ERBB2: variants seen among roughly 807,000 people sequenced by gnomAD.
The protein encoded by ERBB2 is erb-b2 receptor tyrosine kinase 2.
A neutral mutation model predicts 149.0 loss-of-function variants in ERBB2; 61 were observed. The ratio of observed to expected loss-of-function variants is 0.41; its 90% CI spans 0.33 to 0.51. The LOEUF is 0.51. ERBB2 is among the 20% of genes least tolerant of loss of function. ERBB2 has a pLI of 0.25. For synonymous variants in ERBB2, 633 were observed against 678.8 expected, an observed-to-expected ratio of 0.93 and a Z score of 1.05; for missense variants, 1,205 against 1,655.1, an observed-to-expected ratio of 0.73 and a Z score of 4.72.
Position 39,726,738 on chromosome 17 carries a change from A to G in ERBB2, c.2971-77A>G. On this transcript the variant is annotated intron_variant, in intron 24 of 26. Coordinates refer to ENST00000269571, the MANE Select transcript of ERBB2 (RefSeq NM_004448.4). The surrounding 1 kb of genome is among the most constrained non-coding windows in gnomAD (Gnocchi z 5.1). ...GAGGGTGGGAAGGAGAGATGAGTCC[A>G]GTATGCCAGGCCCCTCACGGAAGGC... is the stretch of plus-strand genomic sequence containing the variant. 1 of 1,588,352 alleles carries G rather than the reference A, an allele frequency of 6.3e-7. No individual in the cohort carries two copies. Among genetic ancestry groups the G allele is most frequent in the Non-Finnish European group, 8.6e-7 (1 of 1,156,612 alleles).
At chr17:39,722,601 A>G (rs1366909358) in intron 16 of ERBB2, among the ~76,000 whole-genome samples, 2 of 152,186 alleles carry the variant, frequency 1.3e-5, no homozygotes, top group Non-Finnish European at 2.9e-5. Flanking sequence ...TGGCAGTGTA[A>G]ATGTTCTGAG....
rs1396480147 is a variant in ERBB2 at position 39,714,136 on chromosome 17, CAG to C, written c.1149-1149_1149-1148del. Among the ~76,000 whole-genome samples the C allele has an allele frequency of 7.3e-5, 11 of 151,686 alleles. No individual in the cohort carries two copies. The East Asian group carries it at 2.1e-3, about 29-fold the overall frequency. ...CCTTTCCAGAGGGGGCCATGGTTAA[CAG>C]TGTGTGTGTTCACCTAGACCGTTTA... On this transcript the variant is annotated intron_variant, in intron 9 of 26. Transcript: ENST00000269571.
Position 39,728,290 on chromosome 17 carries a change from G to A in ERBB2, c.*246G>A, listed in dbSNP as rs2059890021. 6 of 441,488 alleles carry A rather than the reference G, an allele frequency of 1.4e-5. No homozygotes were observed. Among genetic ancestry groups the A allele is most frequent in the Non-Finnish European group, 2.0e-5 (5 of 246,530 alleles). The allele number at this position is 441,488 out of a possible 1,614,324, so 27.3% of individuals were successfully genotyped here. On this transcript the variant is annotated 3_prime_UTR_variant, in exon 27 of 27. Transcript: ENST00000269571. ...TGGATTCTGAGGCCCTGCCCAATGA[G>A]ACTCTAGGGTCCAGTGGATGCCACA... is the stretch of plus-strand genomic sequence containing the variant.
At position 39,712,429 on chromosome 17, in the gene ERBB2, C is replaced by T. The variant is rs2058864747; in HGVS notation, c.1129C>T (p.Leu377=). 1 of 1,613,868 alleles carries T rather than the reference C, an allele frequency of 6.2e-7. No homozygotes were observed. Among genetic ancestry groups the T allele is most frequent in the Non-Finnish European group, 8.5e-7 (1 of 1,179,912 alleles). The change falls in exon 9 of 27, where the codon CTG becomes TTG. Residue 377 remains leucine, a synonymous_variant. Transcript: ENST00000269571. The part of the protein sequence containing the change: ...CKKIFGSLAF[L]PESFDGDPAS... The stretch of plus-strand genomic sequence containing the variant: ...GAAGATCTTTGGGAGCCTGGCATTT[C>T]TGCCGGAGAGCTTTGATGGGTAAGA...
chr17:39,708,570 A>T (rs2145449644), intron 3 of ERBB2, 36 bp downstream of exon 3: 2 of 1,554,842 alleles, frequency 1.3e-6, no homozygotes, highest in Non-Finnish European at 1.8e-6. Context: ...TCTCTTGGTT[A>T]TTCAGAGCTG....
chr17:39,708,772 C>A (rs2058615204), intron 3 of ERBB2, among the ~76,000 whole-genome samples: 2 of 152,170 alleles, frequency 1.3e-5, no homozygotes, highest in Non-Finnish European at 2.9e-5. Flanking sequence ...TTTTTGCCCC[C>A]ACTTGGCTGA....
At chr17:39,703,745 C>G (rs1297363939) in intron 1 of ERBB2, among the ~76,000 whole-genome samples, 1 of 152,242 alleles carries the variant, frequency 6.6e-6, no homozygotes, top group Non-Finnish European at 1.5e-5. Flanking sequence ...GACCCTGGGC[C>G]CAGGCCCTGG....
At chr17:39,716,995 G>A in intron 14 of ERBB2, 1 of 440,060 alleles carries the variant, frequency 2.3e-6, no homozygotes, top group Non-Finnish European at 4.1e-6. Flanking sequence ...ATTAAACAGG[G>A]CTTGGCACAG....
rs746595697 is a variant in ERBB2 at position 39,727,541 on chromosome 17, C to T, written c.3406C>T (p.Gln1136Ter). Residue 1136 changes from glutamine (Q) to a stop codon, truncating the protein, a stop_gained, in exon 26 of 27, where the codon CAG (glutamine) becomes TAG (stop). Coordinates refer to ENST00000269571, the MANE Select transcript of ERBB2 (RefSeq NM_004448.4). LOFTEE classifies it high-confidence loss of function. This position sits in a 1 kb window ranked among gnomAD's most constrained non-coding sequence, Gnocchi z 4.3. ...GYVAPLTCSP[Q>*]PEYVNQPDVR... ...CGTTGCCCCCCTGACCTGCAGCCCC[C>T]AGCCTGGTATGGAGTCCAGTCTAAG... 6.2e-7 allele frequency: 1 copy of T among 1,600,480 alleles called. No individual in the cohort carries two copies. The highest frequency in any genetic ancestry group is 1.8e-5 in the Admixed American group (1 of 54,536).
In ERBB2 at chr17:39,710,077, G is replaced by A. The variant is rs373378060; in HGVS notation, c.644-9G>A. The A allele has an allele frequency of 2.4e-5, 38 of 1,601,790 alleles. No homozygotes were observed. The highest frequency in any genetic ancestry group is 1.7e-5 in the Admixed American group (1 of 59,884). ...CCACTCAGCCCTCATCCTGCCCTTT[G>A]CCCAACAGTGACGCGCACTGTCTGT... On this transcript the variant is annotated splice_polypyrimidine_tract_variant and intron_variant, in intron 5 of 26. Coordinates refer to ENST00000269571, the MANE Select transcript of ERBB2 (RefSeq NM_004448.4).
Position 39,715,868 on chromosome 17 carries a change from C to T in ERBB2, c.1442C>T (p.Pro481Leu), listed in dbSNP as rs370565888. Residue 481 changes from proline (P) to leucine (L), a missense_variant, in exon 12 of 27, where the codon CCC becomes CTC. Physicochemically the swap from Pro to Leu is moderately conservative, Grantham distance 98. Transcript: ENST00000269571. ...NTHLCFVHTV[P>L]WDQLFRNPHQ... ...CACCTCTGCTTCGTGCACACGGTGC[C>T]CTGGGACCAGCTCTTTCGGAACCCG... The T allele has an allele frequency of 3.7e-6, 6 of 1,612,696 alleles. No homozygotes were observed. Among genetic ancestry groups the T allele is most frequent in the East Asian group, 2.2e-5 (1 of 44,898 alleles).
At position 39,708,309 on chromosome 17, in the gene ERBB2, TC is replaced by T. The variant is rs1385687225; in HGVS notation, c.226-7del. 6 of 1,608,892 alleles carry T rather than the reference TC, an allele frequency of 3.7e-6. No individual in the cohort carries two copies. Among genetic ancestry groups the T allele is most frequent in the Admixed American group, 3.3e-5 (2 of 59,878 alleles). ...GTTCCTATTTCAGCCCCACTCTGCT[TC>T]CCCCTCCCAGGATATCCAGGAGGTG... On this transcript the variant is annotated splice_polypyrimidine_tract_variant and intron_variant, in intron 2 of 26. Coordinates refer to ENST00000269571, the MANE Select transcript of ERBB2 (RefSeq NM_004448.4).
At position 39,723,575 on chromosome 17, in the gene ERBB2, A is replaced by G. The variant is rs2145813220; in HGVS notation, c.2123A>G (p.Asn708Ser). Residue 708 changes from asparagine to serine, a missense_variant, in exon 18 of 27, where the codon AAC becomes AGC. By Grantham distance (46) the Asn-to-Ser change is conservative (BLOSUM62 1). Transcript: ENST00000269571. The surrounding 1 kb of genome is among the most constrained non-coding windows in gnomAD (Gnocchi z 6.2). ...CTGACACCTAGCGGAGCGATGCCCA[A>G]CCAGGCGCAGATGCGGATCCTGAAA... Reference protein sequence around the residue: ...EPLTPSGAMPNQAQMRILKET... With the variant: ...EPLTPSGAMPSQAQMRILKET... 6.2e-7 allele frequency: 1 copy of G among 1,610,670 alleles called. No individual in the cohort carries two copies. Among genetic ancestry groups the G allele is most frequent in the Non-Finnish European group, 8.5e-7 (1 of 1,178,474 alleles).
intron 2 of ERBB2, among the ~76,000 whole-genome samples, chr17:39,689,770 T>TG (rs1199478681): frequency 6.6e-6 from 1 of 151,882 alleles, no homozygotes; most frequent in Non-Finnish European, 1.5e-5. Flanking sequence ...TTGGGTGTGG[T>TG]GGTGCATGCC....
chr17:39,706,263 C>G (rs1186863859), intron 1 of ERBB2, among the ~76,000 whole-genome samples: 1 of 152,198 alleles, frequency 6.6e-6, no homozygotes, highest in African/African-American at 2.4e-5. Context: ...GGAGTCTTGC[C>G]CTGAGGAGGT....
Position 39,725,536 on chromosome 17 carries a change from G to C in ERBB2, c.2725+134G>C, listed in dbSNP as rs779856308. ...GAAGGGGCTGCCTGTGCCCCACCTT[G>C]CAGGGTCTGTGCACTTCCCAGGATT... On this transcript the variant is annotated intron_variant, in intron 22 of 26. Transcript: ENST00000269571. The surrounding 1 kb of genome is among the most constrained non-coding windows in gnomAD (Gnocchi z 4.6). 15 of 1,220,454 alleles carry C rather than the reference G, an allele frequency of 1.2e-5. No individual in the cohort carries two copies. The highest frequency in any genetic ancestry group is 1.6e-5 in the Non-Finnish European group (14 of 853,796). The allele number at this position is 1,220,454 out of a possible 1,614,324, so 75.6% of individuals were successfully genotyped here. A position where few individuals can be genotyped will look rare whatever the true frequency, so the allele number is the denominator to read the frequency against.
At chr17:39,694,901 G>A (rs1389419209), upstream of ERBB2, 1 of 152,378 alleles carries the variant, frequency 6.6e-6, no homozygotes, top group Non-Finnish European at 1.5e-5. Context: ...CAAGGGACAA[G>A]TATGGGGGTT....
chr17:39,690,465 G>T (rs551841412), upstream of ERBB2, among the ~76,000 whole-genome samples: 2 of 152,260 alleles, frequency 1.3e-5, no homozygotes, highest in East Asian at 3.9e-4. Flanking sequence ...TATTTCAGAG[G>T]TCCTTGAAAA....
At chr17:39,717,820 C>CAT (rs1403606912) in intron 15 of ERBB2, among the ~76,000 whole-genome samples, 6 of 151,090 alleles carry the variant, frequency 4.0e-5, no homozygotes, top group African/African-American at 7.3e-5. Flanking sequence ...CACACACACA[C>CAT]ATATGTATTT....
Sources: allele counts gnomAD v4.1 joint callset (sites outside exome capture counted in the v4.1 genomes callset), GRCh38; gene constraint gnomAD v4.1.1; non-coding constraint Gnocchi (gnomAD v3.1); transcripts MANE v1.5; gene names NCBI Gene and HGNC (gene_info 2026-07-23, HGNC 2026-07-21).